The following NIPA1 variants were observed in gnomAD, a reference collection of about 807,000 sequenced individuals.
NIPA1 encodes the protein magnesium transporter NIPA1.
Under a neutral mutation model 23.9 loss-of-function variants are expected in NIPA1, and 13 were observed. The observed-to-expected ratio is 0.54, with a 90% confidence interval of 0.35 to 0.87. The LOEUF (loss-of-function observed/expected upper bound fraction) is 0.87, where lower values mean the gene tolerates loss of function less well. NIPA1 is among the 40% of genes least tolerant of loss of function. NIPA1 has a pLI of 0.01. For synonymous variants in NIPA1, 234 were observed against 202.9 expected, an observed-to-expected ratio of 1.15 and a Z score of -1.30; for missense variants, 362 against 429.7, an observed-to-expected ratio of 0.84 and a Z score of 1.39.
intron 1 of NIPA1, among the ~76,000 whole-genome samples, chr15:22,806,870 G>A (rs1895221851): frequency 6.6e-6 from 1 of 152,112 alleles, no homozygotes; most frequent in Admixed American, 6.6e-5. Flanking sequence ...TTCCTGCAGG[G>A]CAGAACAGGG....
At chr15:22,819,535 A>AT (rs1883906122) in intron 3 of NIPA1, 1 of 152,198 alleles carries the variant, frequency 6.6e-6, no homozygotes, top group South Asian at 2.1e-4. Context: ...TGCATTAATA[A>AT]TGTGACCAGT....
intron 3 of NIPA1, among the ~76,000 whole-genome samples, chr15:22,819,963 G>T (rs1271054513): frequency 6.6e-6 from 1 of 152,188 alleles, no homozygotes; most frequent in Non-Finnish European, 1.5e-5. Flanking sequence ...GGAGTCCAAG[G>T]CAAGAGGATC....
intron 4 of NIPA1, among the ~76,000 whole-genome samples, chr15:22,822,087 G>T (rs7179251): frequency 0.29 from 44,673 of 151,950 alleles, 6,755 homozygotes; most frequent in Non-Finnish European, 0.33. Context: ...GTTATTGACT[G>T]GGACACTTGA....
chr15:22,810,059 G>A (rs190172162), intron 1 of NIPA1, among the ~76,000 whole-genome samples: 1 of 150,960 alleles, frequency 6.6e-6, no homozygotes, highest in East Asian at 2.0e-4. Context: ...AAAAAAAAGT[G>A]CTTAGGAGCA....
chr15:22,804,458 G>T (rs1895159233), intron 1 of NIPA1, among the ~76,000 whole-genome samples: 1 of 152,062 alleles, frequency 6.6e-6, no homozygotes, highest in African/African-American at 2.4e-5. Flanking sequence ...GTTTAGTTTT[G>T]TTGAAGTCTA....
intron 1 of NIPA1, among the ~76,000 whole-genome samples, chr15:22,798,456 G>A (rs1183068385): frequency 6.7e-6 from 1 of 148,938 alleles, no homozygotes; most frequent in African/African-American, 2.5e-5. Context: ...GGCCAGGATG[G>A]TCTTGATCTC....
At chr15:22,796,651 T>C (rs1456446642) in intron 1 of NIPA1, among the ~76,000 whole-genome samples, 1 of 152,132 alleles carries the variant, frequency 6.6e-6, no homozygotes, top group Non-Finnish European at 1.5e-5. Flanking sequence ...ATTTCTTTTT[T>C]GTTTTAACCA....
intron 1 of NIPA1, among the ~76,000 whole-genome samples, chr15:22,797,857 T>G (rs1894973993): frequency 6.6e-6 from 1 of 151,114 alleles, no homozygotes; most frequent in African/African-American, 2.4e-5. Context: ...ATTTTTTTTT[T>G]TTTTTGAGAC....
At chr15:22,814,558 G>C (rs1172445274) in intron 3 of NIPA1, among the ~76,000 whole-genome samples, 1 of 150,210 alleles carries the variant, frequency 6.7e-6, no homozygotes, top group African/African-American at 2.4e-5. Flanking sequence ...AATGGGATGG[G>C]GTTGCTGGAA....
intron 1 of NIPA1, among the ~76,000 whole-genome samples, chr15:22,809,271 C>T (rs375545209): frequency 3.7e-4 from 56 of 152,084 alleles, no homozygotes; most frequent in African/African-American, 9.6e-4. Flanking sequence ...CCTGTAATCC[C>T]AGCTACTTGG....
At chr15:22,819,738 A>AT (rs1388663266) in intron 3 of NIPA1, among the ~76,000 whole-genome samples, 1 of 152,036 alleles carries the variant, frequency 6.6e-6, no homozygotes, top group East Asian at 1.9e-4. Context: ...AGATATTAGT[A>AT]TTTTTGATTG....
At chr15:22,800,129 AAAG>A (rs1200481285) in intron 1 of NIPA1, among the ~76,000 whole-genome samples, 1 of 151,938 alleles carries the variant, frequency 6.6e-6, no homozygotes, top group Non-Finnish European at 1.5e-5. Context: ...CAATATACGC[AAAG>A]AACAAACCTG....
chr15:22,792,673 G>T (rs1371900495), intron 1 of NIPA1, among the ~76,000 whole-genome samples: 1 of 152,172 alleles, frequency 6.6e-6, no homozygotes. Flanking sequence ...TTGGGTGGGG[G>T]CTGGGCATGG....
At position 22,825,648 on chromosome 15, in the gene NIPA1, T is replaced by C. The variant is rs1220119404; in HGVS notation, c.*1409T>C. On this transcript the variant is annotated 3_prime_UTR_variant, in exon 5 of 5. Transcript: ENST00000337435. The stretch of plus-strand genomic sequence containing the variant: ...AGCTCATATATCGAGTACCCTGTCA[T>C]ACAGGAACAAGTTAAAGGACACAAT... The C allele has an allele frequency of 6.6e-6, 1 of 152,208 alleles. No homozygotes were observed. Among genetic ancestry groups the C allele is most frequent in the Non-Finnish European group, 1.5e-5 (1 of 68,026 alleles). 9.4% of individuals were successfully genotyped at this position (152,208 alleles called of 1,614,324 possible). A position where few individuals can be genotyped will look rare whatever the true frequency, so the allele number is the denominator to read the frequency against.
chr15:22,808,119 T>C (rs1386531095), intron 1 of NIPA1, among the ~76,000 whole-genome samples: 1 of 152,174 alleles, frequency 6.6e-6, no homozygotes, highest in African/African-American at 2.4e-5. Flanking sequence ...TTATTAGTTA[T>C]GGTGGTTTTG....
At chr15:22,799,401 G>A (rs1895015723) in intron 1 of NIPA1, among the ~76,000 whole-genome samples, 1 of 152,120 alleles carries the variant, frequency 6.6e-6, no homozygotes, top group Non-Finnish European at 1.5e-5. Flanking sequence ...TGTAATCCCA[G>A]TAATCTGCCG....
intron 1 of NIPA1, 32 bp downstream of exon 1, chr15:22,786,866 CGGGTGG>C: frequency 7.8e-6 from 1 of 128,022 alleles, no homozygotes; most frequent in Non-Finnish European, 1.5e-5. Context: ...AGGCGGCGGG[CGGGTGG>C]GGGAGGCGGG....
chr15:22,792,026 A>G (rs1186225691), intron 1 of NIPA1, among the ~76,000 whole-genome samples: 2 of 152,054 alleles, frequency 1.3e-5, no homozygotes, highest in South Asian at 2.1e-4. Context: ...GCTGCCTACA[A>G]ACTTCTTTGC....
At position 22,824,345 on chromosome 15, in the gene NIPA1, A is replaced by G; in HGVS notation, c.*106A>G. On this transcript the variant is annotated 3_prime_UTR_variant, in exon 5 of 5. Coordinates refer to ENST00000337435, the MANE Select transcript of NIPA1 (RefSeq NM_144599.5). The surrounding 1 kb of genome is among the most constrained non-coding windows in gnomAD (Gnocchi z 4.1). The stretch of plus-strand genomic sequence containing the variant: ...GTCCTCGATCATGGTGTTAGAATTG[A>G]CTGGATAGTAACAGGTGGTCTGGTG... 9.8e-7 allele frequency: 1 copy of G among 1,018,782 alleles called. No individual in the cohort carries two copies. Among genetic ancestry groups the G allele is most frequent in the Non-Finnish European group, 1.5e-6 (1 of 647,866 alleles). 63.1% of individuals were successfully genotyped at this position (1,018,782 alleles called of 1,614,324 possible). A position where few individuals can be genotyped will look rare whatever the true frequency, so the allele number is the denominator to read the frequency against.
Sources: gnomAD v4.1 joint callset for allele counts (sites outside exome capture counted in the v4.1 genomes callset) on GRCh38, gnomAD v4.1.1 for gene constraint, Gnocchi (gnomAD v3.1) non-coding constraint, MANE v1.5 for transcripts, NCBI Gene and HGNC (gene_info 2026-07-23, HGNC 2026-07-21) for gene names.